The following MAP3K14 variants were observed in gnomAD, a reference collection of about 807,000 sequenced individuals.
The protein encoded by MAP3K14 is NF-kappa-beta-inducing kinase.
Under a neutral mutation model 99.2 loss-of-function variants are expected in MAP3K14, and 16 were observed. That is an observed-to-expected ratio of 0.16 (90% CI 0.11 to 0.24). The LOEUF is 0.24. MAP3K14 is among the 10% of genes least tolerant of loss of function. The pLI, the probability that MAP3K14 is intolerant of heterozygous loss-of-function variation, is 1.00. For missense variants in MAP3K14, 784 were observed against 1,208.7 expected, an observed-to-expected ratio of 0.65 and a Z score of 5.21; for synonymous variants, 462 against 492.4, an observed-to-expected ratio of 0.94 and a Z score of 0.82.
At position 45,300,846 on chromosome 17, in the gene MAP3K14, T is replaced by TAA. The variant is rs144161003; in HGVS notation, c.-20-10082_-20-10081insTT. Among the ~76,000 whole-genome samples, 150 of 151,484 alleles carry TAA rather than the reference T, an allele frequency of 9.9e-4. 2 individuals are homozygous for TAA. Among genetic ancestry groups the TAA allele is most frequent in the Non-Finnish European group, 5.2e-4 (35 of 67,854 alleles). Reference sequence around the variant, plus strand: ...AATTGCAATCTAAGTAGGGAACAAATTAAAAAAAACAGAAAAAAGCATAAT... The same window carrying TAA: ...AATTGCAATCTAAGTAGGGAACAAATAATAAAAAAAACAGAAAAAAGCATAAT... On this transcript the variant is annotated intron_variant, in intron 1 of 15. Transcript: ENST00000344686.
At position 45,289,312 on chromosome 17, in the gene MAP3K14, C is replaced by T; in HGVS notation, c.257-7G>A. The T allele has an allele frequency of 6.2e-7, 1 of 1,613,254 alleles. No homozygotes were observed. The highest frequency in any genetic ancestry group is 8.5e-7 in the Non-Finnish European group (1 of 1,179,238). The stretch of plus-strand genomic sequence containing the variant: ...AACTCTTGGCTATTCTCACCTAAAG[C>T]AAAAGGAGTTGGATTAGCAGAGAGG... On this transcript the variant is annotated splice_polypyrimidine_tract_variant and splice_region_variant and intron_variant, in intron 2 of 15. Coordinates refer to ENST00000344686, the MANE Select transcript of MAP3K14 (RefSeq NM_003954.5).
intron 1 of MAP3K14, among the ~76,000 whole-genome samples, chr17:45,316,003 C>T (rs1301277229): frequency 6.6e-6 from 1 of 152,142 alleles, no homozygotes; most frequent in Non-Finnish European, 1.5e-5. Flanking sequence ...ATATCATGAC[C>T]TCACTCTAAT....
chr17:45,315,803 C>T (rs1176001575), intron 1 of MAP3K14, among the ~76,000 whole-genome samples: 1 of 152,146 alleles, frequency 6.6e-6, no homozygotes, highest in African/African-American at 2.4e-5. Flanking sequence ...GCCCATAAAA[C>T]AAGACACTAC....
intron 14 of MAP3K14, among the ~76,000 whole-genome samples, chr17:45,265,591 C>T (rs2044072401): frequency 6.6e-6 from 1 of 152,004 alleles, no homozygotes; most frequent in Non-Finnish European, 1.5e-5. Context: ...GCATGCGCCA[C>T]TATACCCAGC....
At chr17:45,295,179 A>C (rs181466992) in intron 1 of MAP3K14, among the ~76,000 whole-genome samples, 1 of 152,324 alleles carries the variant, frequency 6.6e-6, no homozygotes, top group Admixed American at 6.5e-5. Flanking sequence ...ACATAGTAAA[A>C]ATTCCAGACT....
chr17:45,280,775 A>T (rs1411961257), intron 6 of MAP3K14, among the ~76,000 whole-genome samples: 2 of 150,770 alleles, frequency 1.3e-5, no homozygotes, highest in African/African-American at 4.9e-5. Context: ...ACACCCAGCT[A>T]ATTTTTTATA....
rs544537157 is a variant in MAP3K14 at position 45,295,172 on chromosome 17, T to G, written c.-20-4407A>C. Among the ~76,000 whole-genome samples, 283 of 152,288 alleles carry G rather than the reference T, an allele frequency of 1.9e-3. 1 individual carries two copies. The highest frequency in any genetic ancestry group is 3.2e-3 in the Non-Finnish European group (220 of 68,024). On this transcript the variant is annotated intron_variant, in intron 1 of 15. Coordinates refer to ENST00000344686, the MANE Select transcript of MAP3K14 (RefSeq NM_003954.5). ...GTTCCCTGTTTTAGCAAGTACAACA[T>G]AGTAAAAATTCCAGACTGGGAACCA... is the stretch of plus-strand genomic sequence containing the variant.
chr17:45,303,464 C>T (rs1001190798), intron 1 of MAP3K14, among the ~76,000 whole-genome samples: 6 of 151,986 alleles, frequency 3.9e-5, no homozygotes, highest in Admixed American at 6.6e-5. Flanking sequence ...TGGAGGCTAA[C>T]GCAGGAGAAT....
At chr17:45,275,035 A>G (rs1161228436) in intron 6 of MAP3K14, among the ~76,000 whole-genome samples, 7 of 151,966 alleles carry the variant, frequency 4.6e-5, no homozygotes, top group Non-Finnish European at 8.8e-5. Flanking sequence ...GCTACTCGGG[A>G]GGCTGAGGCA....
chr17:45,303,027 T>C (rs2044402126), intron 1 of MAP3K14, among the ~76,000 whole-genome samples: 1 of 152,242 alleles, frequency 6.6e-6, no homozygotes, highest in South Asian at 2.1e-4. Context: ...GGCAAATGCA[T>C]GCGTGGTTAC....
At chr17:45,304,315 C>T (rs899713911) in intron 1 of MAP3K14, among the ~76,000 whole-genome samples, 2 of 152,166 alleles carry the variant, frequency 1.3e-5, no homozygotes, top group African/African-American at 4.8e-5. Context: ...CTAATTCATT[C>T]TTTTTAAGGC....
rs985315072 is a variant in MAP3K14 at position 45,272,804 on chromosome 17, G to A, written c.1657+699C>T. 1.2e-4 allele frequency among the ~76,000 whole-genome samples: 18 copies of A among 152,314 alleles called. No individual in the cohort carries two copies. Among genetic ancestry groups the A allele is most frequent in the African/African-American group, 4.3e-4 (18 of 41,566 alleles). On this transcript the variant is annotated intron_variant, in intron 9 of 15. Transcript: ENST00000344686. This position sits in a 1 kb window ranked among gnomAD's most constrained non-coding sequence, Gnocchi z 4.1. ...AAAATACAAAAATTAGCTGGGCATG[G>A]TGGAAGGCGCCTGTAATCCCAGCTA...
chr17:45,295,855 A>T (rs2044342941), intron 1 of MAP3K14, among the ~76,000 whole-genome samples: 1 of 152,204 alleles, frequency 6.6e-6, no homozygotes, highest in South Asian at 2.1e-4. Context: ...TCACCAGGCT[A>T]CTAAAAGCCA....
At chr17:45,289,413 T>C in intron 2 of MAP3K14, 108 bp from the exon 3 acceptor site, 1 of 825,328 alleles carries the variant, frequency 1.2e-6, no homozygotes, top group African/African-American at 1.7e-5. Context: ...CTTCCCCTCC[T>C]TTCCAGACAA....
At chr17:45,270,373 C>A in intron 11 of MAP3K14, 40 bp downstream of exon 11, 2 of 1,593,610 alleles carry the variant, frequency 1.3e-6, no homozygotes, top group South Asian at 1.1e-5. Context: ...CCACCTCTGT[C>A]TTCTGCCCCC....
intron 14 of MAP3K14, among the ~76,000 whole-genome samples, 177 bp from the exon 15 acceptor site, chr17:45,265,440 G>A (rs2044070570): frequency 6.6e-6 from 1 of 152,282 alleles, no homozygotes; most frequent in South Asian, 2.1e-4. Context: ...AAGCACAGCT[G>A]CATTTTTTTG....
chr17:45,270,928 A>AG (rs1567988119), intron 10 of MAP3K14, 130 bp downstream of exon 10: 2 of 1,279,058 alleles, frequency 1.6e-6, no homozygotes, highest in Admixed American at 4.2e-5. Flanking sequence ...TATTTGAATT[A>AG]GGATCCCACA....
At position 45,286,964 on chromosome 17, in the gene MAP3K14, G is replaced by T. The variant is rs1342395545; in HGVS notation, c.619C>A (p.Gln207Lys). 2 of 1,614,050 alleles carry T rather than the reference G, an allele frequency of 1.2e-6. No individual in the cohort carries two copies. Among genetic ancestry groups the T allele is most frequent in the Non-Finnish European group, 1.7e-6 (2 of 1,179,896 alleles). ...TKPLKEPGLG[Q>K]LCFKQLGEGL... ...TCGCCAAGCTGCTTAAAACAGAGTTGCCCAAGGCCTGGTTCCTTCAGAGGC... is the reference window on the plus strand; with the variant it reads ...TCGCCAAGCTGCTTAAAACAGAGTTTCCCAAGGCCTGGTTCCTTCAGAGGC... The change falls in exon 5 of 16, where the codon CAA becomes AAA. Residue 207 changes from glutamine (Q) to lysine (K), a missense_variant. This residue lies in a region of MAP3K14 where 188 missense variants were observed against 313.0 expected (regional missense o/e 0.60). Coordinates refer to ENST00000344686, the MANE Select transcript of MAP3K14 (RefSeq NM_003954.5). This position sits in a 1 kb window ranked among gnomAD's most constrained non-coding sequence, Gnocchi z 4.1.
intron 6 of MAP3K14, among the ~76,000 whole-genome samples, chr17:45,275,760 CTTTTTT>C (rs369154222): frequency 8.1e-6 from 1 of 123,550 alleles, no homozygotes; most frequent in Non-Finnish European, 1.7e-5. Flanking sequence ...CTTTTCTTTT[CTTTTTT>C]TTTTTTTTTT....
Sources: gnomAD v4.1 joint callset for allele counts (sites outside exome capture counted in the v4.1 genomes callset) on GRCh38, gnomAD v4.1.1 for gene constraint, gnomAD v4.1.1 regional missense constraint, Gnocchi (gnomAD v3.1) non-coding constraint, MANE v1.5 for transcripts, NCBI Gene and HGNC (gene_info 2026-07-23, HGNC 2026-07-21) for gene names.